SLC39A12: variants seen among roughly 807,000 people sequenced by gnomAD.
SLC39A12 encodes solute carrier family 39 member 12.
In SLC39A12, 63 loss-of-function variants were observed where a neutral mutation model predicts 71.1. The ratio of observed to expected loss-of-function variants is 0.89; its 90% CI spans 0.72 to 1.09. The LOEUF (loss-of-function observed/expected upper bound fraction) is 1.09. SLC39A12 is among the 50% of genes least tolerant of loss of function. The pLI, the probability that SLC39A12 is intolerant of heterozygous loss-of-function variation, is 0.00. For missense variants in SLC39A12, 892 were observed against 812.6 expected, an observed-to-expected ratio of 1.10 and a Z score of -1.19; for synonymous variants, 351 against 301.3, an observed-to-expected ratio of 1.16 and a Z score of -1.71.
intron 3 of SLC39A12, 60 bp downstream of exon 3, chr10:17,961,922 G>A (rs557020284): frequency 6.7e-7 from 1 of 1,493,400 alleles, no homozygotes. Context: ...GAGCCTTATT[G>A]TTTGTTCCTT....
At chr10:17,979,307 G>A (rs1390088302) in intron 5 of SLC39A12, among the ~76,000 whole-genome samples, 1 of 152,146 alleles carries the variant, frequency 6.6e-6, no homozygotes. Flanking sequence ...AGCAGCAAGC[G>A]AAGACCAAGG....
chr10:18,010,635 G>A (rs147214336), intron 12 of SLC39A12: 2 of 152,202 alleles, frequency 1.3e-5, no homozygotes, highest in African/African-American at 4.8e-5. Context: ...TTTGGTGAAC[G>A]CTGAATTCTC....
chr10:17,965,360 A>C, intron 3 of SLC39A12, 123 bp from the exon 4 acceptor site: 1 of 785,810 alleles, frequency 1.3e-6, no homozygotes, highest in South Asian at 1.8e-5. Context: ...CATATTCCTC[A>C]AATGATTCAA....
At chr10:17,961,265 C>T (rs1411889809) in intron 2 of SLC39A12, among the ~76,000 whole-genome samples, 2 of 152,190 alleles carry the variant, frequency 1.3e-5, no homozygotes, top group South Asian at 2.1e-4. Context: ...GCAAGGAATT[C>T]GGATTTTATT....
intron 2 of SLC39A12, among the ~76,000 whole-genome samples, chr10:17,961,230 C>T (rs2130778523): frequency 6.6e-6 from 1 of 152,304 alleles, no homozygotes; most frequent in African/African-American, 2.4e-5. Flanking sequence ...GTAGAGTAGA[C>T]AGGAGCTAGA....
In SLC39A12 at chr10:17,995,508, T is replaced by A. The variant is rs573474828; in HGVS notation, c.1534-148T>A. The A allele has an allele frequency of 4.3e-5, 28 of 656,634 alleles. No homozygotes were observed. In the Admixed American group the frequency reaches 5.4e-4, roughly 13 times the overall value. 40.7% of individuals were successfully genotyped at this position (656,634 alleles called of 1,614,324 possible). On this transcript the variant is annotated intron_variant, in intron 9 of 12. Transcript: ENST00000377369. ...CCCACAGACTTTCAGCTCTACATTG[T>A]GTGTGTCTATGAAACCTGAGGTTCT...
intron 4 of SLC39A12, among the ~76,000 whole-genome samples, chr10:17,970,478 AT>A (rs1834939370): frequency 6.6e-6 from 1 of 151,646 alleles, no homozygotes. Flanking sequence ...GTGTTTTGTC[AT>A]TTTCATTGTA....
At chr10:18,015,572 T>C (rs1448133161) in intron 12 of SLC39A12, among the ~76,000 whole-genome samples, 2 of 152,190 alleles carry the variant, frequency 1.3e-5, no homozygotes, top group African/African-American at 4.8e-5. Flanking sequence ...AGGCACAGTC[T>C]AGTTTGGCCT....
chr10:17,992,088 C>CAAA (rs59014549), intron 8 of SLC39A12, among the ~76,000 whole-genome samples: 20 of 87,202 alleles, frequency 2.3e-4, no homozygotes, highest in East Asian at 3.3e-4. Flanking sequence ...GACTCCATCT[C>CAAA]AAAAAAAAAA....
At chr10:18,015,621 G>T (rs1836354807) in intron 12 of SLC39A12, among the ~76,000 whole-genome samples, 1 of 115,444 alleles carries the variant, frequency 8.7e-6, no homozygotes, top group Admixed American at 8.8e-5. Context: ...ATATGCTTTA[G>T]TTTTTCCTTC....
At chr10:18,015,681 A>T (rs1172194836) in intron 12 of SLC39A12, among the ~76,000 whole-genome samples, 1 of 152,088 alleles carries the variant, frequency 6.6e-6, no homozygotes, top group African/African-American at 2.4e-5. Flanking sequence ...TGTGGGTGGG[A>T]CATAAAAAGT....
intron 2 of SLC39A12, among the ~76,000 whole-genome samples, chr10:17,957,795 T>C (rs1834586919): frequency 6.6e-6 from 1 of 152,188 alleles, no homozygotes. Flanking sequence ...GGCTTCCACC[T>C]GTATTCTTTC....
At chr10:17,997,031 A>G (rs532200529) in intron 10 of SLC39A12, among the ~76,000 whole-genome samples, 4 of 151,608 alleles carry the variant, frequency 2.6e-5, no homozygotes, top group African/African-American at 9.7e-5. Context: ...TCAAAAAAAA[A>G]AAAAAAGAAA....
chr10:17,991,952 G>A (rs1341631930), intron 8 of SLC39A12, among the ~76,000 whole-genome samples: 7 of 151,974 alleles, frequency 4.6e-5, no homozygotes, highest in Admixed American at 3.9e-4. Context: ...AGCCAGGCAT[G>A]ATGCCGCGCG....
intron 7 of SLC39A12, among the ~76,000 whole-genome samples, chr10:17,988,263 G>A (rs530998351): frequency 5.9e-5 from 9 of 152,290 alleles, no homozygotes; most frequent in South Asian, 2.1e-4. Flanking sequence ...AGCAAAGATC[G>A]TACCACTGCA....
At chr10:17,995,508 T>C in intron 9 of SLC39A12, 148 bp from the exon 10 acceptor site, 1 of 656,634 alleles carries the variant, frequency 1.5e-6, no homozygotes, top group Non-Finnish European at 2.6e-6. Flanking sequence ...CTCTACATTG[T>C]GTGTGTCTAT....
At chr10:17,988,383 T>G (rs2130820942) in intron 7 of SLC39A12, among the ~76,000 whole-genome samples, 1 of 152,242 alleles carries the variant, frequency 6.6e-6, no homozygotes, top group South Asian at 2.1e-4. Context: ...TCTCCCTCTC[T>G]CTTGCTTTCT....
chr10:18,019,264 G>C (rs879359283), intron 12 of SLC39A12, among the ~76,000 whole-genome samples: 1 of 151,872 alleles, frequency 6.6e-6, no homozygotes, highest in Non-Finnish European at 1.5e-5. Context: ...TCCAGTATCA[G>C]TACTTTGTAT....
At chr10:18,041,295 G>C (rs1042083604) in intron 12 of SLC39A12, among the ~76,000 whole-genome samples, 2 of 151,874 alleles carry the variant, frequency 1.3e-5, no homozygotes, top group Non-Finnish European at 2.9e-5. Context: ...TATAGCCACA[G>C]GACAGCCTGG....
Sources: allele counts gnomAD v4.1 joint callset (sites outside exome capture counted in the v4.1 genomes callset), GRCh38; gene constraint gnomAD v4.1.1; transcripts MANE v1.5; gene names NCBI Gene and HGNC (gene_info 2026-07-23, HGNC 2026-07-21).